RELB: variants seen among roughly 807,000 people sequenced by gnomAD.
RELB encodes RELB proto-oncogene, NF-kB subunit, also known as transcription factor RelB.
In RELB, 14 loss-of-function variants were observed where a neutral mutation model predicts 55.4. The ratio of observed to expected loss-of-function variants is 0.25; its 90% CI spans 0.17 to 0.40. RELB has a LOEUF of 0.40. RELB is among the 10% of genes least tolerant of loss of function. The probability of loss-of-function intolerance (pLI) is 1.00; values close to 1 mark genes in which losing one functional copy is unlikely to be tolerated. For synonymous variants in RELB, 409 were observed against 371.3 expected (o/e 1.10, Z -1.17); for missense variants, 669 against 830.7 (o/e 0.81, Z 2.39).
chr19:45,024,119 G>T (rs990208912), intron 5 of RELB, among the ~76,000 whole-genome samples: 1 of 151,704 alleles, frequency 6.6e-6, no homozygotes, highest in African/African-American at 2.4e-5. Context: ...GGGATTACAG[G>T]CGTGAGCCAC....
In RELB at chr19:45,032,373, C is replaced by G. The variant is rs190800561; in HGVS notation, c.992-161C>G. The G allele has an allele frequency of 3.6e-3, 2,132 of 592,472 alleles. 18 individuals carry two copies. Among genetic ancestry groups the G allele is most frequent in the Admixed American group, 3.7e-3 (127 of 34,698 alleles). The allele number at this position is 592,472 out of a possible 1,614,324, so 36.7% of individuals were successfully genotyped here. On this transcript the variant is annotated intron_variant, in intron 8 of 11. Transcript: ENST00000221452. The stretch of plus-strand genomic sequence containing the variant: ...GGCAGAGGTTGCAGTGAGCTGAGAT[C>G]GCGCCATTGCACTCCAGCCTGGGCA...
chr19:45,028,795 C>T (rs375920690), intron 7 of RELB, 93 bp from the exon 8 acceptor site: 28 of 988,616 alleles, frequency 2.8e-5, no homozygotes, highest in South Asian at 5.7e-5. Flanking sequence ...TCCAGGGCCC[C>T]GGGGATGGCA....
intron 8 of RELB, among the ~76,000 whole-genome samples, chr19:45,029,993 C>A (rs1256822957): frequency 6.6e-6 from 1 of 152,046 alleles, no homozygotes; most frequent in African/African-American, 2.4e-5. Flanking sequence ...CATGGTGAAA[C>A]CCTGTCTCTA....
Position 45,028,949 on chromosome 19 carries a change from C to T in RELB, c.948C>T (p.Thr316=), listed in dbSNP as rs368859963. ...TTAACAAGGAAAGCGGGCCGTGCAC[C>T]GGTGGCGAGGAGCTCTACTTGCTCT... ...CRINKESGPC[T]GGEELYLLCD... is the part of the protein sequence containing the mutation. Residue 316 remains threonine, a synonymous_variant, in exon 8 of 12, where the codon ACC becomes ACT. Coordinates refer to ENST00000221452, the MANE Select transcript of RELB (RefSeq NM_006509.4). The T allele has an allele frequency of 6.8e-5, 109 of 1,597,148 alleles. 1 individual carries two copies. Among genetic ancestry groups the T allele is most frequent in the South Asian group, 4.2e-4 (37 of 87,686 alleles).
chr19:45,036,387 A>T (rs909162145), intron 11 of RELB, among the ~76,000 whole-genome samples: 1 of 152,060 alleles, frequency 6.6e-6, no homozygotes, highest in Non-Finnish European at 1.5e-5. Flanking sequence ...AATCCCTCTT[A>T]TAATGAAACT....
intron 2 of RELB, 84 bp downstream of exon 2, chr19:45,003,080 G>T (rs1270636252): frequency 7.5e-7 from 1 of 1,331,484 alleles, no homozygotes; most frequent in Non-Finnish European, 1.0e-6. Context: ...CTGTTTGGGG[G>T]TTCACGAGGT....
chr19:45,008,000 C>CAAA (rs57007961), intron 2 of RELB, among the ~76,000 whole-genome samples: 22 of 62,990 alleles, frequency 3.5e-4, no homozygotes, highest in Non-Finnish European at 4.1e-4. Flanking sequence ...GCTAAAAATA[C>CAAA]AAAAAAAAAA....
At chr19:45,011,169 T>A (rs2122408592) in intron 3 of RELB, among the ~76,000 whole-genome samples, 1 of 143,496 alleles carries the variant, frequency 7.0e-6, no homozygotes, top group South Asian at 2.3e-4. Flanking sequence ...TTATTTATTA[T>A]TATTATTTTT....
In RELB at chr19:45,029,101, G is replaced by A. The variant is rs570251958; in HGVS notation, c.991+109G>A. The A allele has an allele frequency of 4.1e-6, 3 of 734,306 alleles. No individual in the cohort carries two copies. The Admixed American group carries it at 6.6e-5, about 16-fold the overall frequency. The allele number at this position is 734,306 out of a possible 1,614,324, so 45.5% of individuals were successfully genotyped here. ...GATGAGAAAGAGCTGGTTAACCAGGGCACCAGAGTGCAAGGGTCCAGAACA... is the reference window on the plus strand; with the variant it reads ...GATGAGAAAGAGCTGGTTAACCAGGACACCAGAGTGCAAGGGTCCAGAACA... On this transcript the variant is annotated intron_variant, in intron 8 of 11. Coordinates refer to ENST00000221452, the MANE Select transcript of RELB (RefSeq NM_006509.4).
At chr19:45,035,197 A>G (rs886138305) in intron 11 of RELB, among the ~76,000 whole-genome samples, 1 of 152,050 alleles carries the variant, frequency 6.6e-6, no homozygotes, top group South Asian at 2.1e-4. Context: ...GGGCTTCAAC[A>G]GGATAGAACG....
At chr19:45,003,925 T>TG (rs1465202175) in intron 2 of RELB, among the ~76,000 whole-genome samples, 1 of 126,036 alleles carries the variant, frequency 7.9e-6, no homozygotes, top group African/African-American at 3.0e-5. Context: ...GTTTTTTTTT[T>TG]TTTTTTTTTT....
rs1463558691 is a variant in RELB at position 45,022,176 on chromosome 19, G to A, written c.628G>A (p.Val210Met). 6.2e-7 allele frequency: 1 copy of A among 1,609,922 alleles called. No homozygotes were observed. The highest frequency in any genetic ancestry group is 8.5e-7 in the Non-Finnish European group (1 of 1,179,266). ...GKDCTDGICR[V>M]RLRPHVSPRH... ...AGACTGCACCGACGGCATCTGCAGGGTGCGGCTCCGGCCTCACGTCAGCCC... is the reference window on the plus strand; with the variant it reads ...AGACTGCACCGACGGCATCTGCAGGATGCGGCTCCGGCCTCACGTCAGCCC... Residue 210 changes from valine to methionine, a missense_variant, in exon 5 of 12, where the codon GTG becomes ATG. This residue lies in a region of RELB where 323 missense variants were observed against 368.5 expected (regional missense o/e 0.88). Coordinates refer to ENST00000221452, the MANE Select transcript of RELB (RefSeq NM_006509.4).
At chr19:45,008,689 G>C (rs1444606519) in intron 2 of RELB, 1 of 384,048 alleles carries the variant, frequency 2.6e-6, no homozygotes, top group Non-Finnish European at 5.2e-6. Context: ...CACTCCCTGA[G>C]AACAGAGGAG....
rs1012400631 is a variant in RELB at position 45,012,106 on chromosome 19, G to A, written c.334G>A (p.Gly112Ser). Residue 112 changes from glycine (G) to serine (S), a missense_variant, in exon 4 of 12, where the codon GGC becomes AGC. Gly to Ser is a moderately conservative substitution (Grantham distance 56, BLOSUM62 0). Coordinates refer to ENST00000221452, the MANE Select transcript of RELB (RefSeq NM_006509.4). ...ATPPPWGCPLGRLVSPAPGPG... is the reference protein window; with the variant it reads ...ATPPPWGCPLSRLVSPAPGPG... Reference sequence around the variant, plus strand: ...GCCGCCGCCTTGGGGCTGCCCCCTGGGCCGACTAGTGTCCCCAGCGCCGGG... The same window carrying A: ...GCCGCCGCCTTGGGGCTGCCCCCTGAGCCGACTAGTGTCCCCAGCGCCGGG... 2.4e-5 allele frequency: 38 copies of A among 1,557,022 alleles called. No individual in the cohort carries two copies. The Admixed American group carries it at 5.9e-4, about 24-fold the overall frequency.
chr19:45,029,634 G>A (rs1971597909), intron 8 of RELB, among the ~76,000 whole-genome samples: 1 of 151,970 alleles, frequency 6.6e-6, no homozygotes, highest in South Asian at 2.1e-4. Context: ...CGGATCACCT[G>A]AGGTCAGGAG....
In RELB at chr19:45,028,999, G is replaced by A. The variant is rs1971590043; in HGVS notation, c.991+7G>A. On this transcript the variant is annotated splice_region_variant and intron_variant, in intron 8 of 11. Coordinates refer to ENST00000221452, the MANE Select transcript of RELB (RefSeq NM_006509.4). ...TGCGACAAGGTGCAGAAAGGTGAGG[G>A]GCCTGGGGCAGCAAGCTTGGGCAGA... 1 of 1,567,374 alleles carries A rather than the reference G, an allele frequency of 6.4e-7. No homozygotes were observed. Among genetic ancestry groups the A allele is most frequent in the South Asian group, 1.2e-5 (1 of 85,154 alleles).
intron 4 of RELB, among the ~76,000 whole-genome samples, chr19:45,013,692 C>T (rs528008622): frequency 1.7e-3 from 262 of 151,698 alleles, no homozygotes; most frequent in African/African-American, 5.9e-3. Context: ...ATTAGTGCGG[C>T]GTGGTGGTGC....
In RELB at chr19:45,037,646, A is replaced by T; in HGVS notation, c.1596A>T (p.Glu532Asp). ...TGGTTGGGGAGACCCCCGGCCCTGA[A>T]CCACTGACACTGGACTCGTACCAGG... ...GAVVGETPGP[E>D]PLTLDSYQAP... Residue 532 changes from glutamate (E) to aspartate (D), a missense_variant, in exon 12 of 12, where the codon GAA becomes GAT. Around this residue, in one of 3 missense-constraint regions of RELB, gnomAD observed 341 missense variants for 436.8 expected, o/e 0.78. Transcript: ENST00000221452. The T allele has an allele frequency of 1.3e-6, 2 of 1,597,828 alleles. No homozygotes were observed. The highest frequency in any genetic ancestry group is 1.7e-6 in the Non-Finnish European group (2 of 1,173,186).
chr19:45,026,955 C>A lies in RELB; in HGVS notation c.886+1218C>A, dbSNP rs191107519. On this transcript the variant is annotated intron_variant, in intron 7 of 11. Coordinates refer to ENST00000221452, the MANE Select transcript of RELB (RefSeq NM_006509.4). Reference sequence around the variant, plus strand: ...GTGATAGAATCCCAACTTAGCCGGGCGAGGTGGCTTACGCCTGTAATCCCA... The same window carrying A: ...GTGATAGAATCCCAACTTAGCCGGGAGAGGTGGCTTACGCCTGTAATCCCA... 1.9e-3 allele frequency among the ~76,000 whole-genome samples: 287 copies of A among 152,264 alleles called. 1 individual carries two copies. Among genetic ancestry groups the A allele is most frequent in the African/African-American group, 6.8e-3 (282 of 41,540 alleles).
Sources: gnomAD v4.1 joint callset for allele counts (sites outside exome capture counted in the v4.1 genomes callset) on GRCh38, gnomAD v4.1.1 for gene constraint, gnomAD v4.1.1 regional missense constraint, MANE v1.5 for transcripts, NCBI Gene and HGNC (gene_info 2026-07-23, HGNC 2026-07-21) for gene names.